Variants in BRI3 observed in about 807,000 individuals in gnomAD.
BRI3 encodes brain protein I3.
BRI3 carries 6 observed loss-of-function variants against 12.8 expected under a neutral mutation model. That is an observed-to-expected ratio of 0.47 (90% CI 0.26 to 0.93). BRI3 has a LOEUF of 0.93. Ranked by LOEUF, BRI3 falls within the 40% of genes least tolerant of loss-of-function variation. The probability of loss-of-function intolerance (pLI) is 0.15; values close to 1 mark genes in which losing one functional copy is unlikely to be tolerated. For synonymous variants in BRI3, 91 were observed against 76.1 expected, an observed-to-expected ratio of 1.20 and a Z score of -1.02; for missense variants, 134 against 171.1, an observed-to-expected ratio of 0.78 and a Z score of 1.21.
intron 2 of BRI3, among the ~76,000 whole-genome samples, chr7:98,290,417 G>T (rs896628816): frequency 2.0e-5 from 3 of 151,348 alleles, no homozygotes; most frequent in Admixed American, 6.6e-5. Context: ...GGATGGTCTC[G>T]ATCTCCTGAC....
At chr7:98,285,512 G>A (rs1799681437) in intron 2 of BRI3, among the ~76,000 whole-genome samples, 1 of 152,202 alleles carries the variant, frequency 6.6e-6, no homozygotes, top group African/African-American at 2.4e-5. Flanking sequence ...TGAGGTGTGG[G>A]GGCAGCGGAT....
At chr7:98,283,674 G>C (rs1399010809) in intron 2 of BRI3, among the ~76,000 whole-genome samples, 1 of 152,204 alleles carries the variant, frequency 6.6e-6, no homozygotes, top group African/African-American at 2.4e-5. Context: ...CAGAGGGTCT[G>C]CCTGCGTGTC....
chr7:98,288,964 TTTTC>T (rs1273841654), intron 2 of BRI3, among the ~76,000 whole-genome samples: 1 of 152,002 alleles, frequency 6.6e-6, no homozygotes, highest in Non-Finnish European at 1.5e-5. Flanking sequence ...TTTTTTTCTT[TTTTC>T]TTTTTTTTTG....
At chr7:98,295,694 T>G (rs1166982399), downstream of BRI3, among the ~76,000 whole-genome samples, 1 of 151,806 alleles carries the variant, frequency 6.6e-6, no homozygotes, top group African/African-American at 2.4e-5. Context: ...ACCATCTCCC[T>G]CACATGTGCA....
the BRI3 span, chr7:98,320,371 T>G: frequency 8.2e-7 from 1 of 1,222,288 alleles, no homozygotes; most frequent in Non-Finnish European, 1.2e-6. Context: ...GTTTTTGCTC[T>G]GTCGCCCAGG....
chr7:98,319,655 T>G, the BRI3 span, among the ~76,000 whole-genome samples: 3 of 151,500 alleles, frequency 2.0e-5, no homozygotes, highest in Non-Finnish European at 4.4e-5. Flanking sequence ...CAAGCCATTC[T>G]CCTGCCTCAT....
chr7:98,310,183 G>T, exon 2 of BRI3: 1 of 406,204 alleles, frequency 2.5e-6, no homozygotes, highest in Non-Finnish European at 4.3e-6. Context: ...ATTCTCAACA[G>T]TATGTTTACT....
intron 2 of BRI3, among the ~76,000 whole-genome samples, chr7:98,290,250 C>T: frequency 7.4e-6 from 1 of 135,502 alleles, no homozygotes; most frequent in Non-Finnish European, 1.5e-5. Context: ...CTGTGGACTG[C>T]AGTGGCACAA....
At chr7:98,289,982 A>G (rs1562958645) in intron 2 of BRI3, among the ~76,000 whole-genome samples, 1 of 152,128 alleles carries the variant, frequency 6.6e-6, no homozygotes, top group Non-Finnish European at 1.5e-5. Context: ...TTGAGATCAC[A>G]TTTCTCAAAA....
chr7:98,286,401 T>C (rs541290335), intron 2 of BRI3, among the ~76,000 whole-genome samples: 20 of 152,292 alleles, frequency 1.3e-4, no homozygotes, highest in African/African-American at 3.4e-4. Flanking sequence ...TTGGAATTAG[T>C]CAGTTCCCTA....
chr7:98,307,799 A>G, exon 2 of BRI3: 1 of 1,614,250 alleles, frequency 6.2e-7, no homozygotes, highest in Non-Finnish European at 8.5e-7. Context: ...TGGAGCCCGC[A>G]GTGTGCGGGA....
At chr7:98,317,090 T>A in the BRI3 span, 25 of 1,187,806 alleles carry the variant, frequency 2.1e-5, no homozygotes, top group Non-Finnish European at 3.0e-5. Context: ...TGACCTCATA[T>A]GATCCTACTG....
chr7:98,290,612 C>T (rs1173192157), intron 2 of BRI3, among the ~76,000 whole-genome samples: 1 of 152,250 alleles, frequency 6.6e-6, no homozygotes, highest in Admixed American at 6.5e-5. Context: ...GATTCTCCTG[C>T]CTCAGCCTCC....
At chr7:98,290,302 T>TCTC (rs1799873717) in intron 2 of BRI3, among the ~76,000 whole-genome samples, 1 of 149,798 alleles carries the variant, frequency 6.7e-6, no homozygotes, top group South Asian at 2.2e-4. Flanking sequence ...TTCACGCCAT[T>TCTC]CTCCTGCCTC....
At chr7:98,286,485 A>C (rs1665171212) in intron 2 of BRI3, among the ~76,000 whole-genome samples, 1 of 152,136 alleles carries the variant, frequency 6.6e-6, no homozygotes, top group Non-Finnish European at 1.5e-5. Context: ...GCGGCTAGAG[A>C]GAGCCGGTCA....
At chr7:98,321,858 G>A in the BRI3 span, among the ~76,000 whole-genome samples, 1 of 152,222 alleles carries the variant, frequency 6.6e-6, no homozygotes, top group East Asian at 1.9e-4. Flanking sequence ...GCACTTTTGG[G>A]AGGCTGAGGT....
At chr7:98,315,380 G>C, downstream of BRI3, 4 of 1,276,964 alleles carry the variant, frequency 3.1e-6, no homozygotes, top group Non-Finnish European at 4.0e-6. Context: ...ACAGGCGTGG[G>C]CCACGGCCCA....
At chr7:98,323,061 CAG>C in the BRI3 span, 2 of 152,226 alleles carry the variant, frequency 1.3e-5, no homozygotes, top group African/African-American at 4.8e-5. Context: ...GGAGTAAAGA[CAG>C]AACCATCCCA....
chr7:98,320,124 T>C, the BRI3 span: 2 of 1,611,544 alleles, frequency 1.2e-6, no homozygotes, highest in Non-Finnish European at 1.7e-6. Context: ...TGTGGAATTT[T>C]TTAAACTGTT....
Sources: allele counts gnomAD v4.1 joint callset (sites outside exome capture counted in the v4.1 genomes callset), GRCh38; gene constraint gnomAD v4.1.1; transcripts MANE v1.5; gene names NCBI Gene and HGNC (gene_info 2026-07-23, HGNC 2026-07-21).